Variants in CCSER1 observed in about 807,000 individuals in gnomAD.
CCSER1 encodes serine-rich coiled-coil domain-containing protein 1.
A neutral mutation model predicts 82.0 loss-of-function variants in CCSER1; 41 were observed. The ratio of observed to expected loss-of-function variants is 0.50; its 90% CI spans 0.39 to 0.65. CCSER1 has a LOEUF of 0.65. CCSER1 is among the 30% of genes least tolerant of loss of function. CCSER1 has a pLI of 0.00. For missense variants in CCSER1, 1,119 were observed against 1,064.2 expected (o/e 1.05, Z -0.72); for synonymous variants, 414 against 383.9 (o/e 1.08, Z -0.92).
chr4:91,055,681 A>G (rs142981956), intron 9 of CCSER1, among the ~76,000 whole-genome samples: 3 of 151,810 alleles, frequency 2.0e-5, no homozygotes, highest in African/African-American at 7.3e-5. Context: ...CATGTCTTTC[A>G]TCTTATTTGG....
intron 1 of CCSER1, among the ~76,000 whole-genome samples, chr4:90,268,474 A>C (rs1194861528): frequency 6.6e-6 from 1 of 152,146 alleles, no homozygotes; most frequent in Non-Finnish European, 1.5e-5. Context: ...TGTTGTCATC[A>C]GTTTAAAATA....
chr4:90,921,577 T>A (rs543155840), intron 8 of CCSER1, among the ~76,000 whole-genome samples: 76 of 152,022 alleles, frequency 5.0e-4, no homozygotes, highest in Non-Finnish European at 9.9e-4. Flanking sequence ...GAATTTTATT[T>A]ATCATTATTT....
At chr4:90,938,149 T>G (rs1284106391) in intron 9 of CCSER1, among the ~76,000 whole-genome samples, 1 of 152,080 alleles carries the variant, frequency 6.6e-6, no homozygotes, top group East Asian at 1.9e-4. Context: ...TACTTAAAAT[T>G]GCAATAAAGT....
At chr4:90,412,790 A>C (rs538552927) in intron 4 of CCSER1, among the ~76,000 whole-genome samples, 14 of 152,330 alleles carry the variant, frequency 9.2e-5, no homozygotes, top group African/African-American at 3.4e-4. Flanking sequence ...ACAGACCCAC[A>C]GACAACATCA....
intron 6 of CCSER1, among the ~76,000 whole-genome samples, chr4:90,692,330 T>C (rs1469257630): frequency 6.6e-6 from 1 of 151,918 alleles, no homozygotes; most frequent in Non-Finnish European, 1.5e-5. Context: ...AAAATGCTGC[T>C]CATTTCTAAC....
intron 10 of CCSER1, among the ~76,000 whole-genome samples, chr4:91,181,866 A>G (rs1734062824): frequency 6.6e-6 from 1 of 152,230 alleles, no homozygotes; most frequent in Admixed American, 6.5e-5. Flanking sequence ...ATCAGAAAGC[A>G]TGTGTAACTG....
chr4:90,608,737 TA>T (rs1350042161), intron 5 of CCSER1, among the ~76,000 whole-genome samples: 1 of 152,168 alleles, frequency 6.6e-6, no homozygotes, highest in Non-Finnish European at 1.5e-5. Flanking sequence ...TAGAAAATAA[TA>T]TATTCTCACT....
At chr4:90,595,376 A>G (rs188947152) in intron 5 of CCSER1, among the ~76,000 whole-genome samples, 1 of 152,112 alleles carries the variant, frequency 6.6e-6, no homozygotes, top group Non-Finnish European at 1.5e-5. Flanking sequence ...AAATATTTAT[A>G]TGTTAATAGT....
At chr4:90,307,117 G>A (rs909299105) in intron 1 of CCSER1, among the ~76,000 whole-genome samples, 2 of 152,098 alleles carry the variant, frequency 1.3e-5, no homozygotes, top group Non-Finnish European at 2.9e-5. Flanking sequence ...AATGTTCATA[G>A]TCTTATTACT....
At chr4:91,028,512 A>G (rs1480840113) in intron 9 of CCSER1, among the ~76,000 whole-genome samples, 2 of 151,988 alleles carry the variant, frequency 1.3e-5, no homozygotes, top group East Asian at 1.9e-4. Context: ...AGAGAGAGTA[A>G]TTTTATTATC....
intron 3 of CCSER1, among the ~76,000 whole-genome samples, chr4:90,324,625 G>A (rs1259024774): frequency 4.0e-5 from 6 of 150,304 alleles, no homozygotes; most frequent in South Asian, 2.1e-4. Flanking sequence ...TAGGTTGCCT[G>A]TTCACTCTGA....
chr4:91,420,195 C>A (rs1427927521), intron 10 of CCSER1, among the ~76,000 whole-genome samples: 1 of 151,922 alleles, frequency 6.6e-6, no homozygotes, highest in Non-Finnish European at 1.5e-5. Context: ...CAAAAATAAA[C>A]AAATGGGACA....
chr4:90,721,361 A>G (rs1193766044), intron 6 of CCSER1, among the ~76,000 whole-genome samples: 1 of 143,324 alleles, frequency 7.0e-6, no homozygotes. Flanking sequence ...TGTGTCTCCA[A>G]TGGATTAAAA....
intron 10 of CCSER1, among the ~76,000 whole-genome samples, chr4:91,475,372 G>C (rs913925095): frequency 6.6e-6 from 1 of 151,842 alleles, no homozygotes; most frequent in Non-Finnish European, 1.5e-5. Flanking sequence ...GCAGATATGA[G>C]GTTGATATGG....
chr4:91,528,886 C>T (rs570462470), intron 10 of CCSER1, among the ~76,000 whole-genome samples: 1 of 152,036 alleles, frequency 6.6e-6, no homozygotes, highest in Non-Finnish European at 1.5e-5. Context: ...CTACATACAT[C>T]CCAGGACTTC....
chr4:91,403,832 A>T (rs555589666), intron 10 of CCSER1, among the ~76,000 whole-genome samples: 1 of 152,174 alleles, frequency 6.6e-6, no homozygotes, highest in African/African-American at 2.4e-5. Context: ...ATCGATGTTC[A>T]TCAGGGATAT....
intron 5 of CCSER1, among the ~76,000 whole-genome samples, chr4:90,625,111 G>A (rs565372682): frequency 6.6e-6 from 1 of 152,250 alleles, no homozygotes; most frequent in African/African-American, 2.4e-5. Flanking sequence ...ATATCCCCAA[G>A]TGAACGAATT....
At chr4:90,938,113 A>G (rs190623167) in intron 9 of CCSER1, among the ~76,000 whole-genome samples, 5 of 152,260 alleles carry the variant, frequency 3.3e-5, no homozygotes, top group Admixed American at 3.3e-4. Context: ...AGGGTGACAT[A>G]TTTTGAAATG....
intron 4 of CCSER1, among the ~76,000 whole-genome samples, chr4:90,458,852 G>A (rs572849497): frequency 3.9e-5 from 6 of 152,294 alleles, no homozygotes; most frequent in South Asian, 4.1e-4. Flanking sequence ...CTTACACATC[G>A]CTTTTGATGG....
Sources: allele counts gnomAD v4.1 joint callset (sites outside exome capture counted in the v4.1 genomes callset), GRCh38; gene constraint gnomAD v4.1.1; transcripts MANE v1.5; gene names NCBI Gene and HGNC (gene_info 2026-07-23, HGNC 2026-07-21).